MAPK10: variants seen among roughly 807,000 people sequenced by gnomAD.
MAPK10 encodes the protein mitogen-activated protein kinase 10, also known as JNK3 alpha protein kinase.
Under a neutral mutation model 59.3 loss-of-function variants are expected in MAPK10, and 25 were observed. The ratio of observed to expected loss-of-function variants is 0.42; its 90% CI spans 0.31 to 0.59. MAPK10 has a LOEUF of 0.59. MAPK10 is among the 20% of genes least tolerant of loss of function. The pLI, the probability that MAPK10 is intolerant of heterozygous loss-of-function variation, is 0.15. For missense variants in MAPK10, 351 were observed against 568.9 expected (o/e 0.62, Z 3.90); for synonymous variants, 190 against 200.5 (o/e 0.95, Z 0.44).
intron 1 of MAPK10, among the ~76,000 whole-genome samples, chr4:86,433,808 C>T (rs945745732): frequency 6.6e-6 from 1 of 152,056 alleles, no homozygotes; most frequent in South Asian, 2.1e-4. Context: ...CCCTTCAAGT[C>T]ATCTAAATTA....
At chr4:86,527,501 A>G (rs1250412103) in intron 1 of MAPK10, among the ~76,000 whole-genome samples, 1 of 151,998 alleles carries the variant, frequency 6.6e-6, no homozygotes, top group African/African-American at 2.4e-5. Context: ...ATTAAAAAGT[A>G]AAAAAACAAC....
At chr4:86,078,590 T>C (rs1037449232) in intron 9 of MAPK10, among the ~76,000 whole-genome samples, 1 of 112,670 alleles carries the variant, frequency 8.9e-6, no homozygotes, top group African/African-American at 4.6e-5. Flanking sequence ...GAAATACATA[T>C]GTATATATAT....
chr4:86,056,650 G>T (rs1013959077), intron 11 of MAPK10, among the ~76,000 whole-genome samples: 4 of 149,950 alleles, frequency 2.7e-5, no homozygotes, highest in South Asian at 2.1e-4. Flanking sequence ...GTATTTGAGA[G>T]AATTAAAAGT....
intron 2 of MAPK10, among the ~76,000 whole-genome samples, chr4:86,294,857 C>G (rs953824453): frequency 1.3e-5 from 2 of 152,186 alleles, no homozygotes; most frequent in African/African-American, 2.4e-5. Context: ...TGGCTGAGTA[C>G]TGATCAGCAC....
intron 2 of MAPK10, among the ~76,000 whole-genome samples, chr4:86,216,378 A>G (rs531887977): frequency 3.3e-5 from 5 of 150,890 alleles, no homozygotes; most frequent in Admixed American, 2.6e-4. Context: ...AAATTCCGAC[A>G]TGCTACTGTT....
chr4:86,174,391 C>T (rs369926612), intron 3 of MAPK10, among the ~76,000 whole-genome samples: 5 of 152,266 alleles, frequency 3.3e-5, no homozygotes, highest in African/African-American at 1.2e-4. Flanking sequence ...ACTGCATGTT[C>T]TCACTCATAA....
rs533128427 is a variant in MAPK10 at position 86,097,612 on chromosome 4, T to C, written c.802+912A>G. ...TTATAATTGTTAAAGTTGTCAATGGTGATTGTACTTAGATTTGCACTAGTA... is the reference window on the plus strand; with the variant it reads ...TTATAATTGTTAAAGTTGTCAATGGCGATTGTACTTAGATTTGCACTAGTA... On this transcript the variant is annotated intron_variant, in intron 9 of 13. Transcript: ENST00000641462. Among the ~76,000 whole-genome samples, 196 of 152,170 alleles carry C rather than the reference T, an allele frequency of 1.3e-3. 2 individuals are homozygous for C. The highest frequency in any genetic ancestry group is 4.6e-3 in the African/African-American group (190 of 41,564).
chr4:86,380,529 C>T (rs1286066155), intron 1 of MAPK10, among the ~76,000 whole-genome samples: 1 of 152,148 alleles, frequency 6.6e-6, no homozygotes, highest in East Asian at 1.9e-4. Context: ...GAGCTTCAGG[C>T]CTTCTGGTTA....
At chr4:86,212,887 C>T (rs2086245280) in intron 2 of MAPK10, among the ~76,000 whole-genome samples, 1 of 151,948 alleles carries the variant, frequency 6.6e-6, no homozygotes, top group African/African-American at 2.4e-5. Flanking sequence ...TGAACAATAG[C>T]TAATAGACGT....
intron 9 of MAPK10, among the ~76,000 whole-genome samples, chr4:86,070,598 G>A (rs2047699602): frequency 1.5e-5 from 2 of 137,620 alleles, no homozygotes; most frequent in East Asian, 4.3e-4. Context: ...GTGTCCATGT[G>A]ATCTCATTGT....
At chr4:86,346,733 GAAA>G (rs3030114) in intron 2 of MAPK10, among the ~76,000 whole-genome samples, 1,466 of 138,636 alleles carry the variant, frequency 0.011, 16 homozygotes, top group African/African-American at 0.036. Flanking sequence ...AGTTTGTTTG[GAAA>G]AAAAAAAAAA....
chr4:86,108,720 A>G (rs2056962421), intron 4 of MAPK10, among the ~76,000 whole-genome samples: 1 of 152,186 alleles, frequency 6.6e-6, no homozygotes, highest in African/African-American at 2.4e-5. Context: ...ATTCTAATAA[A>G]CAGAGTTATC....
chr4:86,520,104 C>T (rs866843045), intron 1 of MAPK10, among the ~76,000 whole-genome samples: 1 of 152,156 alleles, frequency 6.6e-6, no homozygotes. Flanking sequence ...AGGTTATAAT[C>T]TTTCTGCAAT....
At chr4:86,297,254 T>C (rs147503075) in intron 2 of MAPK10, among the ~76,000 whole-genome samples, 18 of 152,348 alleles carry the variant, frequency 1.2e-4, no homozygotes, top group African/African-American at 3.8e-4. Context: ...GTTGGTTTTA[T>C]AGTTACATAA....
intron 2 of MAPK10, among the ~76,000 whole-genome samples, chr4:86,346,270 A>T (rs994576540): frequency 2.2e-4 from 34 of 152,190 alleles, no homozygotes; most frequent in African/African-American, 7.5e-4. Flanking sequence ...ACCCCGGAGG[A>T]TACCAAAATC....
At chr4:86,145,294 G>C (rs1215237520) in intron 4 of MAPK10, among the ~76,000 whole-genome samples, 2 of 91,228 alleles carry the variant, frequency 2.2e-5, no homozygotes, top group Non-Finnish European at 4.3e-5. Context: ...CCCGGGAGGC[G>C]GAGCTTGCAG....
chr4:86,194,625 A>G (rs889493698), intron 2 of MAPK10, among the ~76,000 whole-genome samples: 9 of 152,138 alleles, frequency 5.9e-5, no homozygotes, highest in African/African-American at 2.2e-4. Context: ...CAATTCCATC[A>G]CACTCATAAA....
chr4:86,504,551 A>G (rs77332196), intron 1 of MAPK10, among the ~76,000 whole-genome samples: 7,351 of 152,220 alleles, frequency 0.048, 234 homozygotes, highest in African/African-American at 0.061. Context: ...TTTTCTTATT[A>G]ACAAGGGGTG....
intron 2 of MAPK10, among the ~76,000 whole-genome samples, chr4:86,314,929 C>G (rs2095748541): frequency 6.6e-6 from 1 of 152,006 alleles, no homozygotes; most frequent in African/African-American, 2.4e-5. Context: ...ACAAAGTATT[C>G]CAACACATAG....
Sources: gnomAD v4.1 joint callset for allele counts (sites outside exome capture counted in the v4.1 genomes callset) on GRCh38, gnomAD v4.1.1 for gene constraint, MANE v1.5 for transcripts, NCBI Gene and HGNC (gene_info 2026-07-23, HGNC 2026-07-21) for gene names.